The following TTC34 variants were observed in gnomAD, a reference collection of about 807,000 sequenced individuals.
The protein encoded by TTC34 is tetratricopeptide repeat domain 34, also known as tetratricopeptide repeat protein 34.
TTC34 carries 44 observed loss-of-function variants against 40.7 expected under a neutral mutation model. That is an observed-to-expected ratio of 1.08 (90% CI 0.85 to 1.39). The LOEUF is 1.39. Among genes scored for constraint, TTC34 ranks in the 40% most tolerant of loss-of-function variants. TTC34 has a pLI of 0.00. For synonymous variants in TTC34, 422 were observed against 398.6 expected (o/e 1.06, Z -0.70); for missense variants, 884 against 838.0 (o/e 1.05, Z -0.68).
At chr1:2,752,212 C>A (rs1205225169) in intron 6 of TTC34, among the ~76,000 whole-genome samples, 10 of 115,782 alleles carry the variant, frequency 8.6e-5, no homozygotes, top group African/African-American at 2.7e-4. Flanking sequence ...ACCCACACCC[C>A]CAGGTGAGCA....
intron 6 of TTC34, among the ~76,000 whole-genome samples, chr1:2,648,175 C>T (rs750268810): frequency 2.6e-5 from 4 of 152,234 alleles, no homozygotes; most frequent in South Asian, 2.1e-4. Flanking sequence ...TCTCTTATTA[C>T]GGGTCCCATT....
Position 2,700,178 on chromosome 1 carries a change from G to T in TTC34, c.2227-54615C>A, listed in dbSNP as rs568303673. 7.1e-5 allele frequency among the ~76,000 whole-genome samples: 7 copies of T among 99,036 alleles called. 2 individuals are homozygous for T. In the East Asian group the frequency reaches 2.0e-3, roughly 29 times the overall value. The allele number at this position is 99,036 out of a possible 152,430, so 65.0% of individuals were successfully genotyped here. A position where few individuals can be genotyped will look rare whatever the true frequency, so the allele number is the denominator to read the frequency against. On this transcript the variant is annotated intron_variant, in intron 6 of 8. Coordinates refer to ENST00000401095, the Ensembl canonical transcript of TTC34. ...CCTGGAGCATCACATACTCCCCCAG[G>T]TGAGCATCCGACAGCCTGGAGCAGC...
At chr1:2,793,711 A>C (rs1011062382) in intron 2 of TTC34, among the ~76,000 whole-genome samples, 2 of 152,196 alleles carry the variant, frequency 1.3e-5, no homozygotes, top group Non-Finnish European at 2.9e-5. Context: ...TGCAACACTC[A>C]TCTGTCACCT....
intron 6 of TTC34, among the ~76,000 whole-genome samples, chr1:2,684,510 C>G (rs71503019): frequency 2.0e-5 from 3 of 148,314 alleles, no homozygotes; most frequent in African/African-American, 5.2e-5. Context: ...TGGAACGGCA[C>G]CCACACCCCC....
chr1:2,644,416 C>T (rs1343906468), exon 8 of TTC34: 1 of 1,536,050 alleles, frequency 6.5e-7, no homozygotes, highest in Admixed American at 2.0e-5. Context: ...GCCCGGGCTG[C>T]CTCTGACGTT....
At chr1:2,685,216 A>G (rs1640275196) in intron 6 of TTC34, among the ~76,000 whole-genome samples, 1 of 135,878 alleles carries the variant, frequency 7.4e-6, no homozygotes, top group Non-Finnish European at 1.6e-5. Context: ...TGAGCATCTG[A>G]CATCGTGGAG....
At chr1:2,759,501 C>G (rs1641621111) in intron 6 of TTC34, among the ~76,000 whole-genome samples, 27 of 127,610 alleles carry the variant, frequency 2.1e-4, no homozygotes, top group Non-Finnish European at 3.9e-4. Context: ...ATCGGGCAGC[C>G]TGGAGCAGCA....
At chr1:2,769,699 G>A (rs1442265849) in intron 6 of TTC34, among the ~76,000 whole-genome samples, 203 of 20,238 alleles carry the variant, frequency 0.01, no homozygotes, top group Admixed American at 0.016. Flanking sequence ...ACAGTCTGGA[G>A]CAGCACCCAC....
chr1:2,646,564 T>C (rs1025226491), intron 6 of TTC34, among the ~76,000 whole-genome samples: 3 of 152,162 alleles, frequency 2.0e-5, no homozygotes, highest in African/African-American at 7.2e-5. Flanking sequence ...TTAAAATCTT[T>C]TTGTACAAAT....
At chr1:2,657,397 G>A (rs1639386016) in intron 6 of TTC34, among the ~76,000 whole-genome samples, 1 of 93,348 alleles carries the variant, frequency 1.1e-5, no homozygotes, top group Non-Finnish European at 2.8e-5. Context: ...GTGAGCATCT[G>A]ACCTCCCGGA....
chr1:2,641,269 C>T (rs920177412), exon 9 of TTC34: 1 of 1,358,892 alleles, frequency 7.4e-7, no homozygotes, highest in East Asian at 2.6e-5. Context: ...GGGCAGGTAC[C>T]TCCCCGATTT....
At chr1:2,686,587 G>A (rs917891998) in intron 6 of TTC34, among the ~76,000 whole-genome samples, 1 of 149,792 alleles carries the variant, frequency 6.7e-6, no homozygotes, top group East Asian at 1.9e-4. Context: ...TGACCGCCTG[G>A]AACAGCACAC....
At chr1:2,644,146 CTG>C in intron 8 of TTC34, 116 bp downstream of exon 8, 1 of 1,137,134 alleles carries the variant, frequency 8.8e-7, no homozygotes, top group Non-Finnish European at 1.2e-6. Context: ...CCAAACCTAA[CTG>C]AAATCAACCC....
exon 9 of TTC34, chr1:2,639,990 G>C (rs1328025229): frequency 6.6e-6 from 1 of 152,482 alleles, no homozygotes; most frequent in African/African-American, 2.4e-5. Context: ...CTCCCTGCCT[G>C]ACCCCCTGGA....
chr1:2,699,085 C>CCA (rs1471423287), intron 6 of TTC34, among the ~76,000 whole-genome samples: 4 of 147,918 alleles, frequency 2.7e-5, no homozygotes, highest in African/African-American at 7.4e-5. Flanking sequence ...GGAGCAGCGC[C>CCA]CACACACCCA....
exon 9 of TTC34, chr1:2,641,502 GGCA>G: frequency 6.5e-7 from 1 of 1,535,646 alleles, no homozygotes; most frequent in Non-Finnish European, 8.7e-7. Flanking sequence ...TGCTCCTCCA[GGCA>G]GCACTGCCCG....
At chr1:2,699,354 T>A (rs1183582778) in intron 6 of TTC34, among the ~76,000 whole-genome samples, 6 of 117,290 alleles carry the variant, frequency 5.1e-5, no homozygotes, top group African/African-American at 1.7e-4. Context: ...TCTGACAGCC[T>A]GGAACAGCAC....
intron 6 of TTC34, among the ~76,000 whole-genome samples, chr1:2,749,471 A>C (rs1373617795): frequency 5.5e-5 from 3 of 54,138 alleles, no homozygotes; most frequent in African/African-American, 3.4e-4. Context: ...ACGGCCTGGA[A>C]CAGCACCCAC....
intron 6 of TTC34, among the ~76,000 whole-genome samples, chr1:2,651,481 C>A (rs1639132056): frequency 6.6e-6 from 1 of 151,956 alleles, no homozygotes; most frequent in African/African-American, 2.4e-5. Flanking sequence ...CCCACACACC[C>A]AGGTGAGCAT....
Sources: allele counts gnomAD v4.1 joint callset (sites outside exome capture counted in the v4.1 genomes callset), GRCh38; gene constraint gnomAD v4.1.1; transcripts MANE v1.5; gene names NCBI Gene and HGNC (gene_info 2026-07-23, HGNC 2026-07-21).